Variants in OCIAD1 observed in about 807,000 individuals in gnomAD.
The protein encoded by OCIAD1 is OCIA domain-containing protein 1.
In OCIAD1, 29 loss-of-function variants were observed where a neutral mutation model predicts 38.9. That is an observed-to-expected ratio of 0.74 (90% CI 0.55 to 1.02). The LOEUF (loss-of-function observed/expected upper bound fraction) is 1.02, where lower values mean the gene tolerates loss of function less well. Among genes scored for constraint, OCIAD1 ranks in the 50% least tolerant of loss-of-function variants. OCIAD1 has a pLI of 0.00. For missense variants in OCIAD1, 288 were observed against 289.6 expected, an observed-to-expected ratio of 0.99 and a Z score of 0.04; for synonymous variants, 110 against 92.0, an observed-to-expected ratio of 1.20 and a Z score of -1.12.
At chr4:48,811,513 A>G (rs560980260) in intron 1 of OCIAD1, among the ~76,000 whole-genome samples, 1 of 152,298 alleles carries the variant, frequency 6.6e-6, no homozygotes, top group Admixed American at 6.5e-5. Flanking sequence ...GCAGGTACCC[A>G]TCTTAGGCTC....
upstream of OCIAD1, among the ~76,000 whole-genome samples, chr4:48,828,797 A>T (rs1204365994): frequency 6.6e-6 from 1 of 152,226 alleles, no homozygotes; most frequent in Non-Finnish European, 1.5e-5. Context: ...ACCATCTTTA[A>T]GAACTGTAAC....
At chr4:48,849,112 A>G (rs148425186) in intron 5 of OCIAD1, among the ~76,000 whole-genome samples, 1 of 152,282 alleles carries the variant, frequency 6.6e-6, no homozygotes, top group East Asian at 1.9e-4. Context: ...ACGTGGACAC[A>G]GGAAGGGGAA....
intron 5 of OCIAD1, among the ~76,000 whole-genome samples, chr4:48,849,197 C>T (rs1451571647): frequency 1.3e-5 from 2 of 151,894 alleles, no homozygotes; most frequent in Non-Finnish European, 2.9e-5. Flanking sequence ...CTAATGTAAA[C>T]GACGAGTTAA....
intron 1 of OCIAD1, among the ~76,000 whole-genome samples, chr4:48,814,392 T>C (rs1462747533): frequency 6.6e-6 from 1 of 151,474 alleles, no homozygotes; most frequent in East Asian, 1.9e-4. Flanking sequence ...GAAAAAACTC[T>C]CCTCTAACTT....
chr4:48,834,425 C>T (rs1028652070), intron 3 of OCIAD1, among the ~76,000 whole-genome samples: 3 of 152,196 alleles, frequency 2.0e-5, no homozygotes, highest in African/African-American at 7.2e-5. Context: ...GCCTTGGCCT[C>T]CCAAAGTGCT....
intron 1 of OCIAD1, among the ~76,000 whole-genome samples, chr4:48,824,624 C>A (rs529190934): frequency 6.6e-6 from 1 of 151,854 alleles, no homozygotes; most frequent in East Asian, 1.9e-4. Context: ...TGGCCTCAAG[C>A]GATCCTCCTG....
chr4:48,856,705 A>G (rs1780073259), intron 7 of OCIAD1: 1 of 152,114 alleles, frequency 6.6e-6, no homozygotes, highest in African/African-American at 2.4e-5. Context: ...TTTTGTTTAA[A>G]TTTTGTAAAA....
chr4:48,832,793 C>T (rs1377096661), intron 2 of OCIAD1, 111 bp downstream of exon 2: 13 of 762,086 alleles, frequency 1.7e-5, no homozygotes, highest in South Asian at 2.9e-5. Flanking sequence ...GTGCAGACAG[C>T]GCCCCATACT....
upstream of OCIAD1, chr4:48,830,754 A>C (rs1419719491): frequency 1.3e-5 from 2 of 152,306 alleles, no homozygotes; most frequent in South Asian, 4.1e-4. Flanking sequence ...GAGATAATTT[A>C]TAAAGTCGCT....
intron 1 of OCIAD1, among the ~76,000 whole-genome samples, chr4:48,808,243 G>A (rs1579031729): frequency 6.6e-6 from 1 of 152,284 alleles, no homozygotes; most frequent in East Asian, 1.9e-4. Context: ...CAAGGCAGGA[G>A]GATCACTTGA....
At chr4:48,809,144 A>G (rs1158379494) in intron 1 of OCIAD1, among the ~76,000 whole-genome samples, 2 of 152,196 alleles carry the variant, frequency 1.3e-5, no homozygotes, top group Non-Finnish European at 2.9e-5. Flanking sequence ...CACAGCTCAT[A>G]GTGATTTTTC....
upstream of OCIAD1, among the ~76,000 whole-genome samples, chr4:48,830,300 A>T (rs2109503168): frequency 6.6e-6 from 1 of 152,334 alleles, no homozygotes; most frequent in South Asian, 2.1e-4. Flanking sequence ...TAAATGATAA[A>T]GTGGCAAAGG....
At chr4:48,824,161 T>G (rs563105720) in intron 1 of OCIAD1, among the ~76,000 whole-genome samples, 3 of 152,124 alleles carry the variant, frequency 2.0e-5, no homozygotes, top group African/African-American at 7.2e-5. Context: ...TGTATTTTTT[T>G]GTAGAGATGG....
At chr4:48,832,531 T>C in intron 1 of OCIAD1, 89 bp from the exon 2 acceptor site, 2 of 905,352 alleles carry the variant, frequency 2.2e-6, no homozygotes, top group East Asian at 4.8e-5. Context: ...CTGTGTAGAC[T>C]AGTAGTTTTA....
At chr4:48,856,851 T>C (rs1178019770) in intron 7 of OCIAD1, 1 of 153,680 alleles carries the variant, frequency 6.5e-6, no homozygotes, top group Non-Finnish European at 1.4e-5. Context: ...AGAATATATT[T>C]CTCTTTTAAT....
chr4:48,814,348 T>G (rs1777122764), intron 1 of OCIAD1, among the ~76,000 whole-genome samples: 2 of 151,720 alleles, frequency 1.3e-5, no homozygotes, highest in South Asian at 2.1e-4. Flanking sequence ...TTCAAATATT[T>G]GTTATAGTGA....
intron 3 of OCIAD1, among the ~76,000 whole-genome samples, chr4:48,842,342 T>C (rs1176646374): frequency 1.3e-5 from 2 of 152,250 alleles, no homozygotes; most frequent in Non-Finnish European, 2.9e-5. Context: ...TCACTTTTAC[T>C]GTGTTGTCTT....
At chr4:48,805,675 C>A (rs1384073848) in intron 1 of OCIAD1, among the ~76,000 whole-genome samples, 1 of 151,404 alleles carries the variant, frequency 6.6e-6, no homozygotes, top group Non-Finnish European at 1.5e-5. Context: ...CAGAGCAAGA[C>A]CCCCATCTCT....
intron 1 of OCIAD1, among the ~76,000 whole-genome samples, chr4:48,811,163 C>G (rs1777085752): frequency 6.6e-6 from 1 of 152,012 alleles, no homozygotes; most frequent in Admixed American, 6.6e-5. Context: ...GGCCTGATCC[C>G]TTCTCATTAG....
Sources: allele counts gnomAD v4.1 joint callset (sites outside exome capture counted in the v4.1 genomes callset), GRCh38; gene constraint gnomAD v4.1.1; transcripts MANE v1.5; gene names NCBI Gene and HGNC (gene_info 2026-07-23, HGNC 2026-07-21).